The following ACAD10 variants were observed in gnomAD, a reference collection of about 807,000 sequenced individuals.
The protein encoded by ACAD10 is acyl-CoA dehydrogenase family member 10.
Under a neutral mutation model 116.8 loss-of-function variants are expected in ACAD10, and 112 were observed. That is an observed-to-expected ratio of 0.96 (90% CI 0.82 to 1.12). ACAD10 has a LOEUF of 1.12. Among genes scored for constraint, ACAD10 ranks in the 50% most tolerant of loss-of-function variants. The pLI, the probability that ACAD10 is intolerant of heterozygous loss-of-function variation, is 0.00. For missense variants in ACAD10, 1,259 were observed against 1,350.2 expected (o/e 0.93, Z 1.06); for synonymous variants, 486 against 510.6 (o/e 0.95, Z 0.65).
rs770692301 is a variant in ACAD10, at chr12:111,709,668, G to T, written c.674G>T (p.Gly225Val). The T allele has an allele frequency of 1.2e-6, 2 of 1,612,972 alleles. No homozygotes were observed. The highest frequency in any genetic ancestry group is 2.7e-5 in the African/African-American group (2 of 74,986). ...AATCTAAAAGAAGCTGCCAGACTTGGTATTCACACCATTAAGGTAATAGTC... is the reference window on the plus strand; with the variant it reads ...AATCTAAAAGAAGCTGCCAGACTTGTTATTCACACCATTAAGGTAATAGTC... The part of the protein sequence containing the change: ...GTNLKEAARL[G>V]IHTIKVNDPE... The change falls in exon 5 of 21, where the codon GGT becomes GTT. Residue 225 changes from glycine (G) to valine (V), a missense_variant. Coordinates refer to ENST00000313698, the MANE Select transcript of ACAD10 (RefSeq NM_025247.6).
chr12:111,730,778 G>A (rs1271063303), intron 10 of ACAD10, among the ~76,000 whole-genome samples: 3 of 143,294 alleles, frequency 2.1e-5, no homozygotes, highest in East Asian at 2.0e-4. Context: ...TTTAGACATC[G>A]TCTCACTCAG....
At chr12:111,723,256 A>G (rs1298821100) in intron 8 of ACAD10, among the ~76,000 whole-genome samples, 1 of 116,122 alleles carries the variant, frequency 8.6e-6, no homozygotes, top group Non-Finnish European at 1.8e-5. Context: ...CTCACTTCCC[A>G]GTAGGGGCGG....
At chr12:111,697,883 CT>C (rs1204540303) in intron 2 of ACAD10, among the ~76,000 whole-genome samples, 1 of 149,382 alleles carries the variant, frequency 6.7e-6, no homozygotes, top group Non-Finnish European at 1.5e-5. Flanking sequence ...TGGGCCTGGC[CT>C]TTTTTTTCCT....
chr12:111,748,732 A>G (rs1889986882), intron 17 of ACAD10: 3 of 575,740 alleles, frequency 5.2e-6, no homozygotes, highest in Middle Eastern at 4.8e-4. Context: ...ACAGGAAGCC[A>G]TACAGGGCAG....
At chr12:111,731,140 C>G (rs1220941541) in intron 10 of ACAD10, among the ~76,000 whole-genome samples, 1 of 152,228 alleles carries the variant, frequency 6.6e-6, no homozygotes, top group South Asian at 2.1e-4. Flanking sequence ...TCTTCATTGG[C>G]TTGACCGGTG....
intron 12 of ACAD10, among the ~76,000 whole-genome samples, chr12:111,743,546 G>A (rs941289971): frequency 5.3e-5 from 8 of 151,680 alleles, no homozygotes; most frequent in Admixed American, 3.9e-4. Flanking sequence ...ATGTTGACCA[G>A]GCTGGTCTCA....
rs199879065 is a variant in ACAD10, at chr12:111,729,836, G to A, written c.1274G>A (p.Trp425Ter). ...TATATTCCACGCCAGGTACGAACCT[G>A]GGTTAAGCAGTATCGAGCTTCCGAA... ...GDYIPRQVRT[W>*]VKQYRASETS... The change falls in exon 10 of 21, where the codon TGG becomes TAG. Residue 425 changes from tryptophan to a stop codon, truncating the protein, a stop_gained. Coordinates refer to ENST00000313698, the MANE Select transcript of ACAD10 (RefSeq NM_025247.6). LOFTEE classifies it high-confidence loss of function. The A allele has an allele frequency of 5.6e-5, 91 of 1,614,008 alleles. 1 individual carries two copies. The highest frequency in any genetic ancestry group is 4.2e-4 in the South Asian group (38 of 91,086).
At chr12:111,693,011 CTCTGGCTCTCGAGTCGAAT>C in intron 2 of ACAD10, 115 bp downstream of exon 2, 1 of 1,218,998 alleles carries the variant, frequency 8.2e-7, no homozygotes, top group Non-Finnish European at 1.1e-6. Context: ...GCAGGCCATG[CTCTGGCTCTCGAGTCGAAT>C]TCCAAGCACC....
intron 4 of ACAD10, among the ~76,000 whole-genome samples, 164 bp from the exon 5 acceptor site, chr12:111,709,362 A>G (rs901164334): frequency 1.3e-5 from 2 of 152,232 alleles, no homozygotes; most frequent in Non-Finnish European, 2.9e-5. Flanking sequence ...AAATTACTCA[A>G]TGTAAGAAGG....
intron 13 of ACAD10, chr12:111,745,313 T>G (rs1002082547): frequency 6.8e-5 from 34 of 501,510 alleles, no homozygotes; most frequent in Non-Finnish European, 1.1e-4. Flanking sequence ...CAGGGCAGGT[T>G]AGGCCTATCT....
At chr12:111,749,424 G>A (rs1391117841) in intron 18 of ACAD10, 79 bp downstream of exon 18, 2 of 1,523,076 alleles carry the variant, frequency 1.3e-6, no homozygotes, top group Non-Finnish European at 1.8e-6. Flanking sequence ...ATTCCTACCT[G>A]TTTTCTGAGT....
intron 2 of ACAD10, among the ~76,000 whole-genome samples, chr12:111,697,362 CTTTTT>C (rs1160985539): frequency 7.4e-6 from 1 of 135,364 alleles, no homozygotes; most frequent in Non-Finnish European, 1.6e-5. Flanking sequence ...TTTTCTTTTC[CTTTTT>C]TTTTTTTTTT....
At chr12:111,688,211 A>T (rs1055585452) in intron 1 of ACAD10, 1 of 152,198 alleles carries the variant, frequency 6.6e-6, no homozygotes, top group Non-Finnish European at 1.5e-5. Flanking sequence ...CACAAAATAT[A>T]CAAGTGTGTA....
chr12:111,747,844 G>A (rs1489777533), intron 16 of ACAD10: 2 of 826,224 alleles, frequency 2.4e-6, no homozygotes, highest in Non-Finnish European at 3.0e-6. Context: ...TACCTCCCTG[G>A]ACATTAAGAA....
chr12:111,748,276 G>A (rs1889971822), intron 16 of ACAD10, 41 bp from the exon 17 acceptor site: 1 of 1,610,268 alleles, frequency 6.2e-7, no homozygotes, highest in African/African-American at 1.3e-5. Flanking sequence ...TGATGGCCCT[G>A]GTGTCAGATG....
At chr12:111,738,108 C>T (rs1195381640) in intron 12 of ACAD10, among the ~76,000 whole-genome samples, 2 of 151,890 alleles carry the variant, frequency 1.3e-5, no homozygotes, top group Non-Finnish European at 2.9e-5. Flanking sequence ...CCATCCACCT[C>T]GGCCTCCCAA....
In ACAD10 at chr12:111,748,465, A is replaced by C; in HGVS notation, c.2634A>C (p.Glu878Asp). Residue 878 changes from glutamate (E) to aspartate (D), a missense_variant, in exon 17 of 21, where the codon GAA becomes GAC. Coordinates refer to ENST00000313698, the MANE Select transcript of ACAD10 (RefSeq NM_025247.6). ...GGCCTCTGACGGTGTATGGACTGGAAGATGCACCAGGTGAGACCTCCAGGG... is the reference window on the plus strand; with the variant it reads ...GGCCTCTGACGGTGTATGGACTGGACGATGCACCAGGTGAGACCTCCAGGG... ...IIRPLTVYGL[E>D]DAPGGHGEVR... is the part of the protein sequence containing the mutation. The C allele has an allele frequency of 1.9e-6, 3 of 1,613,366 alleles. No homozygotes were observed. Among genetic ancestry groups the C allele is most frequent in the Non-Finnish European group, 2.5e-6 (3 of 1,180,018 alleles).
At chr12:111,725,749 G>C (rs1052373698) in intron 8 of ACAD10, among the ~76,000 whole-genome samples, 1 of 151,668 alleles carries the variant, frequency 6.6e-6, no homozygotes, top group African/African-American at 2.4e-5. Context: ...TGGCCAGGCT[G>C]GTCTCAAACT....
intron 19 of ACAD10, among the ~76,000 whole-genome samples, chr12:111,754,711 C>G (rs572529011): frequency 2.0e-4 from 31 of 152,332 alleles, no homozygotes; most frequent in Non-Finnish European, 4.1e-4. Context: ...ACACCCTGCC[C>G]CAGGGCAGAT....
Sources: gnomAD v4.1 joint callset for allele counts (sites outside exome capture counted in the v4.1 genomes callset) on GRCh38, gnomAD v4.1.1 for gene constraint, MANE v1.5 for transcripts, NCBI Gene and HGNC (gene_info 2026-07-23, HGNC 2026-07-21) for gene names.